Variants in IZUMO3 observed in about 807,000 individuals in gnomAD.
IZUMO3 encodes IZUMO family member 3, also known as izumo sperm-egg fusion protein 3.
A neutral mutation model predicts 28.4 loss-of-function variants in IZUMO3; 36 were observed. The observed-to-expected ratio is 1.27, with a 90% CI of 0.97 to 1.67. IZUMO3 has a LOEUF of 1.67. IZUMO3 is among the 40% of genes most tolerant of loss of function. IZUMO3 has a pLI of 0.00. For synonymous variants in IZUMO3, 126 were observed against 99.2 expected (o/e 1.27, Z -1.61); for missense variants, 387 against 278.5 (o/e 1.39, Z -2.77).
rs531050008 is a variant in IZUMO3 at position 24,545,032 on chromosome 9, C to G, written c.331G>C (p.Asp111His). Residue 111 changes from aspartate (D) to histidine (H), a missense_variant, in exon 3 of 7, where the codon GAT becomes CAT. Transcript: ENST00000543880. ...GVFIYQGKLL[D>H]VCQNLESKLK... ...TTGGATTCCAGGTTTTGGCAGACAT[C>G]GAGAAGCTTGCCTTGATAGATAAAG... 1 of 1,550,632 alleles carries G rather than the reference C, an allele frequency of 6.4e-7. No homozygotes were observed. The highest frequency in any genetic ancestry group is 8.7e-7 in the Non-Finnish European group (1 of 1,146,838).
At position 24,542,995 on chromosome 9, in the gene IZUMO3, G is replaced by A. The variant is rs73652281; in HGVS notation, c.*234C>T. The stretch of plus-strand genomic sequence containing the variant: ...CTATCCAGCATATTATCTTTCCTGT[G>A]CATTGCAACATACCAGCATTACTTT... On this transcript the variant is annotated 3_prime_UTR_variant, in exon 7 of 7. Coordinates refer to ENST00000543880, the MANE Select transcript of IZUMO3 (RefSeq NM_001365008.2). 6.9e-3 allele frequency: 2,502 copies of A among 362,644 alleles called. 61 individuals carry two copies. The highest frequency in any genetic ancestry group is 0.048 in the African/African-American group (2,304 of 47,710). 22.5% of individuals were successfully genotyped at this position (362,644 alleles called of 1,614,324 possible). A position where few individuals can be genotyped will look rare whatever the true frequency, so the allele number is the denominator to read the frequency against.
intron 6 of IZUMO3, 68 bp from the exon 7 acceptor site, chr9:24,543,435 ATTGTTTT>A (rs1563907528): frequency 2.4e-4 from 18 of 75,494 alleles, no homozygotes; most frequent in East Asian, 4.2e-4. Context: ...CCAGTTATAC[ATTGTTTT>A]TTTTTTTTTT....
rs903392187 is a variant in IZUMO3, at chr9:24,545,448, T to C, written c.202A>G (p.Ser68Gly). 5.9e-6 allele frequency: 9 copies of C among 1,537,876 alleles called. No homozygotes were observed. The Admixed American group carries it at 9.8e-5, about 17-fold the overall frequency. Reference sequence around the variant, plus strand: ...CCCAACACCCGAAGCCTCTTGTCACTGTGGGAGACCTTGAAGCTTAAATGA... The same window carrying C: ...CCCAACACCCGAAGCCTCTTGTCACCGTGGGAGACCTTGAAGCTTAAATGA... ...MIHLSFKVSHSDKRLRVLAVQ... is the reference protein window; with the variant it reads ...MIHLSFKVSHGDKRLRVLAVQ... The change falls in exon 1 of 7, where the codon AGT becomes GGT. Residue 68 changes from serine to glycine, a missense_variant. Coordinates refer to ENST00000543880, the MANE Select transcript of IZUMO3 (RefSeq NM_001365008.2).
At chr9:24,543,472 T>C (rs946489736) in intron 6 of IZUMO3, 105 bp from the exon 7 acceptor site, 1 of 757,582 alleles carries the variant, frequency 1.3e-6, no homozygotes, top group African/African-American at 2.2e-5. Flanking sequence ...TTTTTTTTTT[T>C]GCTGGATACT....
In IZUMO3 at chr9:24,543,728, G is replaced by T. The variant is rs905287350; in HGVS notation, c.517C>A (p.Arg173=). 8 of 1,548,714 alleles carry T rather than the reference G, an allele frequency of 5.2e-6. No homozygotes were observed. The African/African-American group carries it at 1.1e-4, about 21-fold the overall frequency. The part of the protein sequence containing the change: ...GDEDPRKAEN[R]EIALFLILLA... The stretch of plus-strand genomic sequence containing the variant: ...AATATGAGAAATAGAGCAATCTCTC[G>T]ATTCTCAGCCTTTCTTGGATCCTCG... Residue 173 remains arginine, a synonymous_variant, in exon 6 of 7, where the codon CGA becomes AGA. Transcript: ENST00000543880.
At chr9:24,543,435 A>ATTTTTTTT (rs1563907522) in intron 6 of IZUMO3, 68 bp from the exon 7 acceptor site, 2 of 75,504 alleles carry the variant, frequency 2.6e-5, no homozygotes, top group Non-Finnish European at 4.6e-5. Context: ...CCAGTTATAC[A>ATTTTTTTT]TTGTTTTTTT....
chr9:24,545,578 A>G lies in IZUMO3; in HGVS notation c.72T>C (p.Cys24=). 2 of 1,535,398 alleles carry G rather than the reference A, an allele frequency of 1.3e-6. No individual in the cohort carries two copies. The highest frequency in any genetic ancestry group is 1.7e-6 in the Non-Finnish European group (2 of 1,146,694). ...CAACATCCTCTATAAATTTGGGGTC[A>G]CATTCTAAACAGCCTTTGACTCCAT... The part of the protein sequence containing the change: ...AFHGVKGCLE[C]DPKFIEDVGS... The change falls in exon 1 of 7, where the codon TGT becomes TGC. Residue 24 remains cysteine (C), a synonymous_variant. Transcript: ENST00000543880.
At chr9:24,544,478 G>A (rs748312407) in intron 4 of IZUMO3, among the ~76,000 whole-genome samples, 197 bp from the exon 5 acceptor site, 11 of 152,170 alleles carry the variant, frequency 7.2e-5, no homozygotes, top group African/African-American at 1.7e-4. Flanking sequence ...AGGAAAAAGC[G>A]GGAAAAGGAT....
chr9:24,543,681 C>T lies in IZUMO3; in HGVS notation c.564G>A (p.Leu188=). Residue 188 remains leucine, a synonymous_variant, in exon 6 of 7, where the codon CTG becomes CTA. Transcript: ENST00000543880. ...FLILLATAVI[L]GSAVLLFHFC... ...AAACTCACAGTAACACAGCACTTCC[C>T]AGTATTACAGCTGTTGCCAGCAATA... The T allele has an allele frequency of 6.5e-7, 1 of 1,547,372 alleles. No homozygotes were observed. The highest frequency in any genetic ancestry group is 8.7e-7 in the Non-Finnish European group (1 of 1,144,410).
rs1819564250 is a variant in IZUMO3 at position 24,545,249 on chromosome 9, C to A, written c.264G>T (p.Lys88Asn). The A allele has an allele frequency of 6.5e-7, 1 of 1,550,362 alleles. No individual in the cohort carries two copies. The highest frequency in any genetic ancestry group is 1.2e-5 in the South Asian group (1 of 84,054). Residue 88 changes from lysine to asparagine, a missense_variant, in exon 2 of 7, where the codon AAG becomes AAT. Transcript: ENST00000543880. Reference protein sequence around the residue: ...QQVVKLRTWLKNEFYKLGNET... With the variant: ...QQVVKLRTWLNNEFYKLGNET... Reference sequence around the variant, plus strand: ...CATTGCCCAGTTTATAAAATTCATTCTTCAACCATGTTCTCAACTTAACAA... The same window carrying A: ...CATTGCCCAGTTTATAAAATTCATTATTCAACCATGTTCTCAACTTAACAA...
Position 24,545,080 on chromosome 9 carries a change from G to T in IZUMO3, c.302-19C>A, listed in dbSNP as rs574551071. 134 of 1,520,030 alleles carry T rather than the reference G, an allele frequency of 8.8e-5. No individual in the cohort carries two copies. Among genetic ancestry groups the T allele is most frequent in the Non-Finnish European group, 1.1e-4 (127 of 1,119,608 alleles). The allele number at this position is 1,520,030 out of a possible 1,614,324, so 94.2% of individuals were successfully genotyped here. A position where few individuals can be genotyped will look rare whatever the true frequency, so the allele number is the denominator to read the frequency against. ...AAGACACCTAAGAGGGAGTGGAAGG[G>T]GTGTCAAAAAATAGAAGTAGCTCTT... is the stretch of plus-strand genomic sequence containing the variant. On this transcript the variant is annotated intron_variant, in intron 2 of 6. Transcript: ENST00000543880.
At chr9:24,543,920 C>T (rs1368817925) in intron 5 of IZUMO3, among the ~76,000 whole-genome samples, 166 bp from the exon 6 acceptor site, 2 of 152,168 alleles carry the variant, frequency 1.3e-5, no homozygotes, top group Non-Finnish European at 2.9e-5. Flanking sequence ...CTCCTAGGTT[C>T]TACAAAACTG....
At position 24,543,160 on chromosome 9, in the gene IZUMO3, CT is replaced by C. The variant is rs1304010393; in HGVS notation, c.*68del. The C allele has an allele frequency of 1.4e-5, 18 of 1,253,656 alleles. No homozygotes were observed. In the South Asian group the frequency reaches 3.1e-4, roughly 22 times the overall value. 77.7% of individuals were successfully genotyped at this position (1,253,656 alleles called of 1,614,324 possible). ...ACTTTATGACCAAGAAAGGGTTTAC[CT>C]CCCAGTTTTGTACTTAGAGTCAACA... is the stretch of plus-strand genomic sequence containing the variant. On this transcript the variant is annotated 3_prime_UTR_variant, in exon 7 of 7. Coordinates refer to ENST00000543880, the MANE Select transcript of IZUMO3 (RefSeq NM_001365008.2).
rs548586054 is a variant in IZUMO3, at chr9:24,545,176, G to T, written c.301+36C>A. ...GCCAAATTTTCTGAGGCTTGCTTGA[G>T]CAATACAAACTTTTAACATTGAAAC... On this transcript the variant is annotated intron_variant, in intron 2 of 6. Coordinates refer to ENST00000543880, the MANE Select transcript of IZUMO3 (RefSeq NM_001365008.2). The T allele has an allele frequency of 1.5e-5, 23 of 1,529,872 alleles. No individual in the cohort carries two copies. The African/African-American group carries it at 2.5e-4, about 16-fold the overall frequency. 94.8% of individuals were successfully genotyped at this position (1,529,872 alleles called of 1,614,324 possible).
In IZUMO3 at chr9:24,544,769, G is replaced by C; in HGVS notation, c.392-9C>G. ...GCAATCTTCAGAACAAGCTAGAAGA[G>C]AATCAGAAAGTTCTAATGAGTTTAA... On this transcript the variant is annotated splice_polypyrimidine_tract_variant and intron_variant, in intron 3 of 6. Transcript: ENST00000543880. 2 of 1,549,888 alleles carry C rather than the reference G, an allele frequency of 1.3e-6. No individual in the cohort carries two copies. Among genetic ancestry groups the C allele is most frequent in the Non-Finnish European group, 8.7e-7 (1 of 1,146,510 alleles).
In IZUMO3 at chr9:24,543,667, A is replaced by T. The variant is rs1207898201; in HGVS notation, c.578T>A (p.Leu193Ter). ...ATAVILGSAV[L>*]LFHFCIFHRR... ...TATTTGGAGAGAAGAAACTCACAGT[A>T]ACACAGCACTTCCCAGTATTACAGC... Residue 193 changes from leucine (L) to a stop codon, truncating the protein, a stop_gained, in exon 6 of 7, where the codon TTA (leucine) becomes TAA (stop). Transcript: ENST00000543880. LOFTEE classifies it low-confidence loss of function (END_TRUNC). 4.5e-6 allele frequency: 7 copies of T among 1,541,798 alleles called. No homozygotes were observed. The East Asian group carries it at 1.7e-4, about 38-fold the overall frequency.
chr9:24,545,559 C>T lies in IZUMO3; in HGVS notation c.91G>A (p.Asp31Asn). 1.3e-6 allele frequency: 2 copies of T among 1,535,356 alleles called. No homozygotes were observed. The highest frequency in any genetic ancestry group is 1.4e-5 in the African/African-American group (1 of 73,134). The change falls in exon 1 of 7, where the codon GAT (aspartate) becomes AAT (asparagine). Residue 31 changes from aspartate to asparagine, a missense_variant. Coordinates refer to ENST00000543880, the MANE Select transcript of IZUMO3 (RefSeq NM_001365008.2). ...CLECDPKFIE[D>N]VGSLLGNLIP... Reference sequence around the variant, plus strand: ...AGATTTCCCAGCAAGGAGCCAACATCCTCTATAAATTTGGGGTCACATTCT... The same window carrying T: ...AGATTTCCCAGCAAGGAGCCAACATTCTCTATAAATTTGGGGTCACATTCT...
At position 24,545,397 on chromosome 9, in the gene IZUMO3, A is replaced by G. The variant is rs190060737; in HGVS notation, c.226+27T>C. Reference sequence around the variant, plus strand: ...CTCCCTTCTCCGTTTAAGCCCCTGGACTCTCAGGAACTCAAGCTTCCCTCA... The same window carrying G: ...CTCCCTTCTCCGTTTAAGCCCCTGGGCTCTCAGGAACTCAAGCTTCCCTCA... On this transcript the variant is annotated intron_variant, in intron 1 of 6. Coordinates refer to ENST00000543880, the MANE Select transcript of IZUMO3 (RefSeq NM_001365008.2). The G allele has an allele frequency of 4.8e-5, 74 of 1,543,910 alleles. No individual in the cohort carries two copies. The African/African-American group carries it at 8.1e-4, about 17-fold the overall frequency.
chr9:24,543,581 C>T, intron 6 of IZUMO3, 83 bp downstream of exon 6: 1 of 1,083,484 alleles, frequency 9.2e-7, no homozygotes, highest in South Asian at 1.4e-5. Context: ...GCTTTATTTC[C>T]ATTTGGAGGA....
Sources: gnomAD v4.1 joint callset for allele counts (sites outside exome capture counted in the v4.1 genomes callset) on GRCh38, gnomAD v4.1.1 for gene constraint, MANE v1.5 for transcripts, NCBI Gene and HGNC (gene_info 2026-07-23, HGNC 2026-07-21) for gene names.